ARSG: variants seen among roughly 807,000 people sequenced by gnomAD.
ARSG encodes ASG.
Under a neutral mutation model 50.5 loss-of-function variants are expected in ARSG, and 37 were observed. The observed-to-expected ratio is 0.73, with a 90% CI of 0.56 to 0.96. ARSG has a LOEUF of 0.96. Among genes scored for constraint, ARSG ranks in the 50% least tolerant of loss-of-function variants. The pLI, the probability that ARSG is intolerant of heterozygous loss-of-function variation, is 0.00. For synonymous variants in ARSG, 225 were observed against 254.6 expected (o/e 0.88, Z 1.11); for missense variants, 629 against 675.3 (o/e 0.93, Z 0.76).
intron 4 of ARSG, among the ~76,000 whole-genome samples, chr17:68,350,738 T>C (rs557764250): frequency 2.5e-4 from 38 of 152,190 alleles, no homozygotes; most frequent in African/African-American, 9.2e-4. Flanking sequence ...TGAGCCGAGA[T>C]TTCCCCACTG....
At chr17:68,274,320 G>C (rs2075440626) in intron 1 of ARSG, 2 of 326,770 alleles carry the variant, frequency 6.1e-6, no homozygotes, top group African/African-American at 2.1e-5. Flanking sequence ...ACAAAAATTA[G>C]CCAGGCATGG....
chr17:68,304,155 TC>T (rs1356748086), intron 1 of ARSG, among the ~76,000 whole-genome samples: 11 of 152,250 alleles, frequency 7.2e-5, no homozygotes, highest in Non-Finnish European at 1.3e-4. Context: ...ACTCTAGTGT[TC>T]CAAGCTAAGA....
the ARSG span, chr17:68,434,553 G>C: frequency 5.0e-6 from 8 of 1,613,848 alleles, no homozygotes; most frequent in South Asian, 7.7e-5. Flanking sequence ...ATTGAACACA[G>C]ACCTTTTCAT....
At chr17:68,391,342 C>T (rs1415092069) in intron 9 of ARSG, among the ~76,000 whole-genome samples, 3 of 152,152 alleles carry the variant, frequency 2.0e-5, no homozygotes, top group African/African-American at 7.2e-5. Context: ...GATGGGGCTG[C>T]CTCGAGTGGC....
Position 68,351,568 on chromosome 17 carries a change from A to G in ARSG, c.455-7A>G. ...GTGGGGGTGCTAACCGGTTGCTTCT[A>G]TTCCAGGTTTTGATTACTACTTTGG... On this transcript the variant is annotated splice_polypyrimidine_tract_variant and splice_region_variant and intron_variant, in intron 4 of 11. Coordinates refer to ENST00000621439, the MANE Select transcript of ARSG (RefSeq NM_001267727.2). The G allele has an allele frequency of 6.3e-7, 1 of 1,580,794 alleles. No homozygotes were observed. Among genetic ancestry groups the G allele is most frequent in the South Asian group, 1.1e-5 (1 of 90,426 alleles).
the ARSG span, chr17:68,433,632 A>G: frequency 7.1e-7 from 1 of 1,417,366 alleles, no homozygotes; most frequent in Non-Finnish European, 9.9e-7. Flanking sequence ...TTATGGCCTT[A>G]TAACTCAGAG....
chr17:68,358,890 G>C (rs970716089), intron 6 of ARSG, among the ~76,000 whole-genome samples: 18 of 152,000 alleles, frequency 1.2e-4, no homozygotes, highest in African/African-American at 4.3e-4. Context: ...CCGGCTGGGC[G>C]TGGTGGCTCA....
At chr17:68,308,670 T>C (rs1555765398) in intron 2 of ARSG, among the ~76,000 whole-genome samples, 2 of 152,222 alleles carry the variant, frequency 1.3e-5, no homozygotes, top group Non-Finnish European at 2.9e-5. Context: ...TTCTCTTATC[T>C]GGCCCCACCC....
chr17:68,385,064 G>A lies in ARSG; in HGVS notation c.983G>A (p.Gly328Glu), dbSNP rs750038134. ...PFTGFWQTRQ[G>E]GSPAKQTTWE... ...CCAGCTGCCTCCCCTCCTCTCACAG[G>A]GGGAAGTCCAGCCAAGCAGACGACC... Residue 328 changes from glycine to glutamate, a missense_variant and splice_region_variant, in exon 9 of 12, where the codon GGG (glycine) becomes GAG (glutamate). Physicochemically the swap from Gly to Glu is moderately conservative, Grantham distance 98 (BLOSUM62 -2). Coordinates refer to ENST00000621439, the MANE Select transcript of ARSG (RefSeq NM_001267727.2). The A allele has an allele frequency of 6.2e-6, 10 of 1,613,710 alleles. No individual in the cohort carries two copies. The highest frequency in any genetic ancestry group is 1.7e-6 in the Non-Finnish European group (2 of 1,179,826).
chr17:68,373,956 G>A lies in ARSG; in HGVS notation c.982+3432G>A, dbSNP rs1180025875. 4.6e-5 allele frequency among the ~76,000 whole-genome samples: 7 copies of A among 151,868 alleles called. No individual in the cohort carries two copies. The East Asian group carries it at 1.4e-3, about 29-fold the overall frequency. On this transcript the variant is annotated intron_variant, in intron 8 of 11. Coordinates refer to ENST00000621439, the MANE Select transcript of ARSG (RefSeq NM_001267727.2). The stretch of plus-strand genomic sequence containing the variant: ...GCGGATCATGAGGTCAGGAGATCGA[G>A]ACCATCCTGACTAACACGGTGAAAC...
intron 1 of ARSG, among the ~76,000 whole-genome samples, chr17:68,276,364 C>T (rs766865655): frequency 6.6e-6 from 1 of 152,268 alleles, no homozygotes; most frequent in South Asian, 2.1e-4. Flanking sequence ...GCTTTAATTT[C>T]AGCAATAACT....
chr17:68,305,368 T>A (rs1046425446), intron 1 of ARSG, among the ~76,000 whole-genome samples: 4 of 152,202 alleles, frequency 2.6e-5, no homozygotes, highest in Non-Finnish European at 4.4e-5. Flanking sequence ...CCTCATGATG[T>A]TTTTGTTTTC....
chr17:68,384,985 C>T, intron 8 of ARSG, 79 bp from the exon 9 acceptor site: 2 of 1,217,490 alleles, frequency 1.6e-6, no homozygotes, highest in Non-Finnish European at 2.4e-6. Context: ...GAGGGGTTCT[C>T]CCAGAGACTA....
chr17:68,272,702 G>A lies in ARSG; in HGVS notation c.-552+13276G>A, dbSNP rs1555749415. The A allele has an allele frequency of 8.1e-6, 13 of 1,614,012 alleles. No homozygotes were observed. Among genetic ancestry groups the A allele is most frequent in the African/African-American group, 2.7e-5 (2 of 74,926 alleles). ...GAAGCAACTGCAGTGACTATGGAAC[G>A]TCTTTTGCCAAAATATTGTGATAGG... On this transcript the variant is annotated intron_variant, in intron 1 of 11. Transcript: ENST00000448504.
rs546139412 is a variant in ARSG at position 68,356,054 on chromosome 17, G to A, written c.567-613G>A. 9.2e-5 allele frequency among the ~76,000 whole-genome samples: 14 copies of A among 152,086 alleles called. No homozygotes were observed. The East Asian group carries it at 2.7e-3, about 30-fold the overall frequency. ...GCACTGCCATGCCCAGCTAATTTTT[G>A]TATTTTTAGTAGAGACAGGGTTTCA... On this transcript the variant is annotated intron_variant, in intron 5 of 11. Transcript: ENST00000621439.
intron 1 of ARSG, among the ~76,000 whole-genome samples, chr17:68,295,787 C>G (rs1466360726): frequency 6.9e-6 from 1 of 145,230 alleles, no homozygotes; most frequent in Admixed American, 7.2e-5. Flanking sequence ...TCAAGCAATT[C>G]TCCTGCCTCA....
At chr17:68,324,816 C>T (rs1006208873) in intron 2 of ARSG, among the ~76,000 whole-genome samples, 5 of 152,152 alleles carry the variant, frequency 3.3e-5, no homozygotes, top group South Asian at 2.1e-4. Context: ...TATAAGACAA[C>T]GCTAATGCCT....
downstream of ARSG, chr17:68,421,980 C>A: frequency 2.6e-6 from 2 of 783,338 alleles, no homozygotes; most frequent in East Asian, 2.5e-5. Flanking sequence ...AATGGTCACC[C>A]AGCTTATTTA....
At chr17:68,346,766 C>CT in intron 3 of ARSG, 1 of 1,299,430 alleles carries the variant, frequency 7.7e-7, no homozygotes, top group Non-Finnish European at 1.0e-6. Flanking sequence ...CTCCTGGTGC[C>CT]TTTGCAGGGC....
Sources: gnomAD v4.1 joint callset for allele counts (sites outside exome capture counted in the v4.1 genomes callset) on GRCh38, gnomAD v4.1.1 for gene constraint, MANE v1.5 for transcripts, NCBI Gene and HGNC (gene_info 2026-07-23, HGNC 2026-07-21) for gene names.